Variants in THSD7B observed in about 807,000 individuals in gnomAD.
THSD7B encodes thrombospondin type 1 domain containing 7B, also known as thrombospondin type-1 domain-containing protein 7B.
In THSD7B, 138 loss-of-function variants were observed where a neutral mutation model predicts 213.6. That is an observed-to-expected ratio of 0.65 (90% CI 0.56 to 0.74). The LOEUF is 0.74. Ranked by LOEUF, THSD7B falls within the 30% of genes least tolerant of loss-of-function variation. The pLI, the probability that THSD7B is intolerant of heterozygous loss-of-function variation, is 0.00. For synonymous variants in THSD7B, 742 were observed against 687.0 expected (o/e 1.08, Z -1.25); for missense variants, 1,931 against 1,991.5 (o/e 0.97, Z 0.58).
chr2:137,505,967 A>G (rs1679824774), intron 15 of THSD7B, among the ~76,000 whole-genome samples: 1 of 152,194 alleles, frequency 6.6e-6, no homozygotes, highest in South Asian at 2.1e-4. Flanking sequence ...AGGGGTGATT[A>G]GGACAGAAGG....
At chr2:137,643,081 A>G (rs1222018772) in intron 21 of THSD7B, among the ~76,000 whole-genome samples, 2 of 152,224 alleles carry the variant, frequency 1.3e-5, no homozygotes, top group Non-Finnish European at 2.9e-5. Context: ...AAGTGTATGA[A>G]GTTATATTTT....
intron 2 of THSD7B, among the ~76,000 whole-genome samples, chr2:136,964,518 C>A (rs1297305825): frequency 6.6e-6 from 1 of 152,224 alleles, no homozygotes; most frequent in South Asian, 2.1e-4. Flanking sequence ...TCCCCCTTGA[C>A]TTCTCAGGGG....
At chr2:137,520,906 AT>A (rs1680172204) in intron 15 of THSD7B, among the ~76,000 whole-genome samples, 1 of 152,226 alleles carries the variant, frequency 6.6e-6, no homozygotes, top group South Asian at 2.1e-4. Context: ...TAGCAGTTGA[AT>A]TTTTAACACT....
intron 5 of THSD7B, among the ~76,000 whole-genome samples, chr2:137,124,763 C>A (rs1688603954): frequency 6.6e-6 from 1 of 152,028 alleles, no homozygotes; most frequent in Non-Finnish European, 1.5e-5. Context: ...GTACTTATGG[C>A]ATGCAACATG....
chr2:137,070,737 G>A lies in THSD7B; in HGVS notation c.950+13507G>A, dbSNP rs963404814. Among the ~76,000 whole-genome samples, 6 of 149,932 alleles carry A rather than the reference G, an allele frequency of 4.0e-5. No individual in the cohort carries two copies. In the South Asian group the frequency reaches 6.4e-4, roughly 16 times the overall value. On this transcript the variant is annotated intron_variant, in intron 3 of 27. Transcript: ENST00000409968. ...TGTCCCCCACCCCACAACAATCCCCGGTGTATGATGTTCCCCTTCCTGTGT... is the reference window on the plus strand; with the variant it reads ...TGTCCCCCACCCCACAACAATCCCCAGTGTATGATGTTCCCCTTCCTGTGT...
chr2:137,290,555 T>C (rs969236784), intron 12 of THSD7B, among the ~76,000 whole-genome samples: 2 of 152,124 alleles, frequency 1.3e-5, no homozygotes, highest in African/African-American at 4.8e-5. Flanking sequence ...CCTTTTGTGA[T>C]TTCCATCTTT....
At chr2:137,069,278 G>T (rs1010996890) in intron 3 of THSD7B, among the ~76,000 whole-genome samples, 2 of 151,942 alleles carry the variant, frequency 1.3e-5, no homozygotes, top group South Asian at 4.1e-4. Flanking sequence ...CTTGTGAAAT[G>T]CAATAGTCTT....
chr2:137,112,278 A>AT (rs1553471695), intron 4 of THSD7B, among the ~76,000 whole-genome samples: 1 of 152,080 alleles, frequency 6.6e-6, no homozygotes, highest in Non-Finnish European at 1.5e-5. Context: ...AAAGACCCAT[A>AT]TTTTTAAAAA....
chr2:137,005,266 T>C (rs556422103), intron 2 of THSD7B, among the ~76,000 whole-genome samples: 1 of 152,366 alleles, frequency 6.6e-6, no homozygotes, highest in Admixed American at 6.5e-5. Context: ...ACAAGTCAGC[T>C]GGAAGAGTTG....
At position 137,574,903 on chromosome 2, in the gene THSD7B, A is replaced by G. The variant is rs183789562; in HGVS notation, c.3423+2347A>G. 6.9e-4 allele frequency among the ~76,000 whole-genome samples: 105 copies of G among 152,230 alleles called. 1 individual carries two copies. The highest frequency in any genetic ancestry group is 2.8e-3 in the Admixed American group (43 of 15,276). On this transcript the variant is annotated intron_variant, in intron 17 of 27. Transcript: ENST00000409968. ...CAATGTGCATTTCATTAGAAAAAGG[A>G]AACAATTATTTTATAAGTGTCCTGT...
chr2:137,278,936 A>T (rs1573929379), intron 12 of THSD7B, among the ~76,000 whole-genome samples: 1 of 152,200 alleles, frequency 6.6e-6, no homozygotes, highest in African/African-American at 2.4e-5. Context: ...ATATATTGTC[A>T]TAAAGGCAAA....
intron 7 of THSD7B, among the ~76,000 whole-genome samples, chr2:137,208,450 C>A (rs547045936): frequency 6.6e-6 from 1 of 151,854 alleles, no homozygotes; most frequent in East Asian, 1.9e-4. Flanking sequence ...TTTATTTTGT[C>A]GTGCTTTAAG....
rs139210270 is a variant in THSD7B, at chr2:137,448,466, A to G, written c.2960-2379A>G. Among the ~76,000 whole-genome samples, 738 of 152,250 alleles carry G rather than the reference A, an allele frequency of 4.8e-3. 5 individuals carry two copies. The highest frequency in any genetic ancestry group is 0.017 in the African/African-American group (703 of 41,544). The stretch of plus-strand genomic sequence containing the variant: ...TAGAAGAGACGGGAGGGTGGGGGGA[A>G]CAATAAGTTTGGTAGGCAGTCCTCA... On this transcript the variant is annotated intron_variant, in intron 14 of 27. Coordinates refer to ENST00000409968, the MANE Select transcript of THSD7B (RefSeq NM_001316349.2).
chr2:137,265,606 T>C (rs1190761510), intron 10 of THSD7B, among the ~76,000 whole-genome samples: 2 of 152,216 alleles, frequency 1.3e-5, no homozygotes, highest in Non-Finnish European at 2.9e-5. Flanking sequence ...CAAGCAGAAT[T>C]CTGTGGCAAG....
At chr2:136,777,055 G>A (rs1176667352) in intron 1 of THSD7B, among the ~76,000 whole-genome samples, 2 of 152,120 alleles carry the variant, frequency 1.3e-5, no homozygotes, top group East Asian at 3.9e-4. Flanking sequence ...CAACAAATGA[G>A]ATAATTACAA....
chr2:137,451,547 C>A (rs900712577), intron 15 of THSD7B, among the ~76,000 whole-genome samples: 6 of 151,480 alleles, frequency 4.0e-5, no homozygotes, highest in African/African-American at 1.5e-4. Flanking sequence ...TGAACTACTT[C>A]TTTACCTGCT....
At chr2:137,543,865 G>GA (rs140909846) in intron 15 of THSD7B, among the ~76,000 whole-genome samples, 6,344 of 151,594 alleles carry the variant, frequency 0.042, 246 homozygotes, top group African/African-American at 0.1. Context: ...AAAAGGACCC[G>GA]AAAAAATGCT....
rs1681752633 is a variant in THSD7B at position 136,782,034 on chromosome 2, G to T, written c.-36+16347G>T. On this transcript the variant is annotated intron_variant, in intron 1 of 27. Transcript: ENST00000409968. ...TTCCATAGTGACACGTAAAATAAAA[G>T]ATAGGAAGCTAATACAAAATGCTGG... Among the ~76,000 whole-genome samples, 6 of 152,200 alleles carry T rather than the reference G, an allele frequency of 3.9e-5. No homozygotes were observed. The South Asian group carries it at 1.2e-3, about 31-fold the overall frequency.
At position 137,564,564 on chromosome 2, in the gene THSD7B, T is replaced by C. The variant is rs181215335; in HGVS notation, c.3272+1210T>C. On this transcript the variant is annotated intron_variant, in intron 16 of 27. Transcript: ENST00000409968. ...TCCTGTGTCTTATTCTCTCATGGTT[T>C]TGAAAAACGATTGACCAACCTAGCT... Among the ~76,000 whole-genome samples, 8 of 152,276 alleles carry C rather than the reference T, an allele frequency of 5.3e-5. No individual in the cohort carries two copies. The East Asian group carries it at 1.5e-3, about 29-fold the overall frequency.
Sources: gnomAD v4.1 joint callset for allele counts (sites outside exome capture counted in the v4.1 genomes callset) on GRCh38, gnomAD v4.1.1 for gene constraint, MANE v1.5 for transcripts, NCBI Gene and HGNC (gene_info 2026-07-23, HGNC 2026-07-21) for gene names.